The following CNTN5 variants were observed in gnomAD, a reference collection of about 807,000 sequenced individuals.
CNTN5 encodes contactin 5.
CNTN5 carries 77 observed loss-of-function variants against 129.1 expected under a neutral mutation model. That is an observed-to-expected ratio of 0.60 (90% CI 0.50 to 0.72). CNTN5 has a LOEUF of 0.72. Among genes scored for constraint, CNTN5 ranks in the 30% least tolerant of loss-of-function variants. The pLI, the probability that CNTN5 is intolerant of heterozygous loss-of-function variation, is 0.00. For synonymous variants in CNTN5, 509 were observed against 465.6 expected (o/e 1.09, Z -1.20); for missense variants, 1,478 against 1,328.8 (o/e 1.11, Z -1.75).
intron 1 of CNTN5, among the ~76,000 whole-genome samples, chr11:99,096,447 A>C (rs1866470252): frequency 6.6e-6 from 1 of 151,848 alleles, no homozygotes; most frequent in Non-Finnish European, 1.5e-5. Flanking sequence ...ACAGTCGCCT[A>C]ATTGTTTCCT....
chr11:99,069,765 C>T (rs921509429), intron 1 of CNTN5, among the ~76,000 whole-genome samples: 19 of 152,202 alleles, frequency 1.2e-4, no homozygotes, highest in Middle Eastern at 3.4e-3. Flanking sequence ...GGTCTTTATC[C>T]TTTAGCTTTA....
Position 99,607,746 on chromosome 11 carries a change from A to C in CNTN5, c.55+51477A>C, listed in dbSNP as rs1239588172. On this transcript the variant is annotated intron_variant, in intron 3 of 24. Transcript: ENST00000524871. ...TGGATTAAGAAAATGTGGCACATAT[A>C]CACCATGGAATACTATGCAGCCATA... 4.0e-5 allele frequency among the ~76,000 whole-genome samples: 5 copies of C among 124,432 alleles called. No individual in the cohort carries two copies. In the Admixed American group the frequency reaches 4.3e-4, roughly 11 times the overall value. The allele number at this position is 124,432 out of a possible 152,430, so 81.6% of individuals were successfully genotyped here. A position where few individuals can be genotyped will look rare whatever the true frequency, so the allele number is the denominator to read the frequency against.
At chr11:99,121,463 A>G (rs74917821) in intron 1 of CNTN5, among the ~76,000 whole-genome samples, 68 of 152,100 alleles carry the variant, frequency 4.5e-4, no homozygotes, top group Non-Finnish European at 7.9e-4. Flanking sequence ...TCCCTGTACA[A>G]AACAACACAA....
At chr11:99,094,540 C>T (rs947222288) in intron 1 of CNTN5, among the ~76,000 whole-genome samples, 2 of 151,932 alleles carry the variant, frequency 1.3e-5, no homozygotes, top group African/African-American at 2.4e-5. Context: ...AGGATGGAAA[C>T]GTCTCGTAAT....
intron 2 of CNTN5, among the ~76,000 whole-genome samples, chr11:99,477,295 G>A (rs1036475742): frequency 6.6e-6 from 1 of 151,678 alleles, no homozygotes; most frequent in Non-Finnish European, 1.5e-5. Context: ...TGCATTTTCT[G>A]TATAGTTATT....
At chr11:99,824,724 C>A (rs1203496655) in intron 4 of CNTN5, among the ~76,000 whole-genome samples, 3 of 151,576 alleles carry the variant, frequency 2.0e-5, no homozygotes, top group African/African-American at 7.3e-5. Flanking sequence ...GTGTTTAAAC[C>A]ACATGAAATT....
intron 2 of CNTN5, among the ~76,000 whole-genome samples, chr11:99,425,796 G>T (rs1943095144): frequency 6.6e-6 from 1 of 152,220 alleles, no homozygotes; most frequent in Admixed American, 6.5e-5. Flanking sequence ...CTCAGTAGGG[G>T]CATGGTTTCC....
At chr11:100,125,592 AC>A (rs376915205) in intron 13 of CNTN5, among the ~76,000 whole-genome samples, 4 of 152,150 alleles carry the variant, frequency 2.6e-5, no homozygotes, top group African/African-American at 9.6e-5. Flanking sequence ...TGATTCCATG[AC>A]TTCGCTATTG....
chr11:100,300,670 A>G (rs1371084033), intron 20 of CNTN5, among the ~76,000 whole-genome samples: 1 of 151,586 alleles, frequency 6.6e-6, no homozygotes, highest in African/African-American at 2.4e-5. Context: ...AAGCTGCCTC[A>G]TATTTTTATA....
chr11:99,961,514 G>C lies in CNTN5; in HGVS notation c.877+4505G>C, dbSNP rs192794640. Among the ~76,000 whole-genome samples the C allele has an allele frequency of 1.2e-3, 180 of 152,232 alleles. 2 individuals carry two copies. Among genetic ancestry groups the C allele is most frequent in the African/African-American group, 4.1e-3 (171 of 41,532 alleles). On this transcript the variant is annotated intron_variant, in intron 8 of 24. Coordinates refer to ENST00000524871, the MANE Select transcript of CNTN5 (RefSeq NM_014361.4). Reference sequence around the variant, plus strand: ...TAAAGTGTAAGGGGTCTAAAGAAAGGGTTGAGGACCATATGCCCAATGGAA... The same window carrying C: ...TAAAGTGTAAGGGGTCTAAAGAAAGCGTTGAGGACCATATGCCCAATGGAA...
chr11:100,101,823 A>G (rs1320482787), intron 13 of CNTN5, among the ~76,000 whole-genome samples: 1 of 152,166 alleles, frequency 6.6e-6, no homozygotes, highest in African/African-American at 2.4e-5. Context: ...ATGTGAGAAC[A>G]TGCAATACTT....
chr11:99,787,175 T>A (rs963063483), intron 3 of CNTN5, among the ~76,000 whole-genome samples: 1 of 151,126 alleles, frequency 6.6e-6, no homozygotes, highest in Non-Finnish European at 1.5e-5. Context: ...ACGTTTTGGC[T>A]TTAAGAGGAT....
intron 4 of CNTN5, among the ~76,000 whole-genome samples, chr11:99,832,251 TA>T (rs1947165362): frequency 6.6e-6 from 1 of 152,132 alleles, no homozygotes; most frequent in South Asian, 2.1e-4. Context: ...ATATATAACA[TA>T]ACCACATTTA....
intron 1 of CNTN5, among the ~76,000 whole-genome samples, chr11:99,304,681 G>A (rs540265592): frequency 2.7e-4 from 41 of 152,256 alleles, no homozygotes; most frequent in South Asian, 1.0e-3. Flanking sequence ...TTTGAAATAC[G>A]TTTCAGTGTT....
At chr11:99,329,804 A>G (rs1369052972) in intron 2 of CNTN5, among the ~76,000 whole-genome samples, 3 of 152,084 alleles carry the variant, frequency 2.0e-5, no homozygotes, top group Non-Finnish European at 4.4e-5. Context: ...CAATTTTTAT[A>G]AACCTCAACT....
At chr11:99,461,535 G>GT (rs144967118) in intron 2 of CNTN5, among the ~76,000 whole-genome samples, 1,636 of 152,072 alleles carry the variant, frequency 0.011, 19 homozygotes, top group Middle Eastern at 0.024. Context: ...AATTTGAAAT[G>GT]TTTTTTGCAA....
intron 1 of CNTN5, among the ~76,000 whole-genome samples, chr11:99,168,192 C>T (rs1860970113): frequency 6.6e-6 from 1 of 152,158 alleles, no homozygotes; most frequent in East Asian, 1.9e-4. Context: ...GATCTGCCTG[C>T]CTTTGCCTTC....
At position 100,358,574 on chromosome 11, in the gene CNTN5, T is replaced by C. The variant is rs541440706; in HGVS notation, c.*2354T>C. The stretch of plus-strand genomic sequence containing the variant: ...ATTATTTTTCAGCTACAGTACTGAG[T>C]TTTTTCTGCTATGGGATAGTAACCA... On this transcript the variant is annotated 3_prime_UTR_variant, in exon 25 of 25. Coordinates refer to ENST00000524871, the MANE Select transcript of CNTN5 (RefSeq NM_014361.4). The C allele has an allele frequency of 1.3e-5, 2 of 151,096 alleles. No individual in the cohort carries two copies. Among genetic ancestry groups the C allele is most frequent in the Non-Finnish European group, 3.0e-5 (2 of 67,784 alleles). 9.4% of individuals were successfully genotyped at this position (151,096 alleles called of 1,614,324 possible).
chr11:99,945,526 G>A (rs1057343132), intron 7 of CNTN5, among the ~76,000 whole-genome samples: 1 of 141,980 alleles, frequency 7.0e-6, no homozygotes, highest in South Asian at 2.2e-4. Context: ...GTATAGGCTA[G>A]AATTTTCAAT....
Sources: gnomAD v4.1 joint callset for allele counts (sites outside exome capture counted in the v4.1 genomes callset) on GRCh38, gnomAD v4.1.1 for gene constraint, MANE v1.5 for transcripts, NCBI Gene and HGNC (gene_info 2026-07-23, HGNC 2026-07-21) for gene names.